CGGBP1: variants seen among roughly 807,000 people sequenced by gnomAD.
CGGBP1 encodes CGG triplet repeat-binding protein 1.
A neutral mutation model predicts 11.4 loss-of-function variants in CGGBP1; 4 were observed. The observed-to-expected ratio is 0.35, with a 90% CI of 0.17 to 0.80. The LOEUF (loss-of-function observed/expected upper bound fraction) is 0.80, where lower values mean the gene tolerates loss of function less well. Among genes scored for constraint, CGGBP1 ranks in the 30% least tolerant of loss-of-function variants. The pLI, the probability that CGGBP1 is intolerant of heterozygous loss-of-function variation, is 0.52. For missense variants in CGGBP1, 135 were observed against 202.1 expected (o/e 0.67, Z 2.01); for synonymous variants, 76 against 74.1 (o/e 1.03, Z -0.13).
At chr3:88,139,014 C>A in intron 2 of CGGBP1, 1 of 1,243,360 alleles carries the variant, frequency 8.0e-7, no homozygotes, top group South Asian at 3.9e-5. Flanking sequence ...GTTTTTTGAC[C>A]CTGAATTTTG....
chr3:88,138,278 T>C (rs1706920424), intron 2 of CGGBP1, among the ~76,000 whole-genome samples: 1 of 152,130 alleles, frequency 6.6e-6, no homozygotes, highest in Non-Finnish European at 1.5e-5. Flanking sequence ...TTTTTAAGCC[T>C]AGTTTATTTC....
chr3:88,138,000 T>A (rs1029937808), intron 2 of CGGBP1, among the ~76,000 whole-genome samples: 3 of 152,108 alleles, frequency 2.0e-5, no homozygotes, highest in Non-Finnish European at 4.4e-5. Flanking sequence ...ATAACTAAGA[T>A]GGGTCGACAA....
chr3:88,104,772 A>T (rs1704632245), intron 2 of CGGBP1, among the ~76,000 whole-genome samples: 1 of 152,248 alleles, frequency 6.6e-6, no homozygotes, highest in East Asian at 1.9e-4. Context: ...AGAAGAGGTC[A>T]AACAGAACAA....
intron 2 of CGGBP1, among the ~76,000 whole-genome samples, chr3:88,070,816 G>C (rs377620673): frequency 2.9e-4 from 44 of 152,272 alleles, no homozygotes; most frequent in African/African-American, 9.9e-4. Context: ...GAATGATGCA[G>C]CTGAGACTCA....
chr3:88,062,722 G>T (rs1706955946), upstream of CGGBP1, among the ~76,000 whole-genome samples: 1 of 152,152 alleles, frequency 6.6e-6, no homozygotes, highest in Non-Finnish European at 1.5e-5. Flanking sequence ...TATGTTGATT[G>T]AAATATAATT....
intron 2 of CGGBP1, among the ~76,000 whole-genome samples, chr3:88,099,561 C>G (rs1169412338): frequency 5.4e-5 from 3 of 55,806 alleles, no homozygotes; most frequent in African/African-American, 1.2e-4. Flanking sequence ...CATCACACTA[C>G]CTACTTCAAA....
intron 2 of CGGBP1, chr3:88,135,042 C>CT (rs200735088): frequency 0.014 from 18,947 of 1,363,410 alleles, 178 homozygotes; most frequent in Non-Finnish European, 0.015. Flanking sequence ...TGATAATTCT[C>CT]TTTTTTTCTC....
chr3:88,101,838 C>T (rs1327400213), intron 2 of CGGBP1, among the ~76,000 whole-genome samples: 1 of 152,256 alleles, frequency 6.6e-6, no homozygotes, highest in Non-Finnish European at 1.5e-5. Context: ...TTATCTTTTT[C>T]ATAATAGCCA....
At chr3:88,100,689 C>T (rs1704362587) in intron 2 of CGGBP1, among the ~76,000 whole-genome samples, 1 of 152,104 alleles carries the variant, frequency 6.6e-6, no homozygotes, top group Non-Finnish European at 1.5e-5. Context: ...AACCATCATT[C>T]TCAGCAAACT....
Position 88,057,256 on chromosome 3 carries a change from G to A in CGGBP1, c.-89C>T, listed in dbSNP as rs570802878. ...CTTTAAATTGCCAACGTATCAGACA[G>A]TCATGGATCCAGAAGATTAAACATT... On this transcript the variant is annotated 5_prime_UTR_variant, in exon 3 of 4. Coordinates refer to ENST00000482016, the MANE Select transcript of CGGBP1 (RefSeq NM_001008390.2). 6.6e-6 allele frequency: 1 copy of A among 152,150 alleles called. No individual in the cohort carries two copies. The highest frequency in any genetic ancestry group is 2.1e-4 in the South Asian group (1 of 4,830). The allele number at this position is 152,150 out of a possible 1,614,324, so 9.4% of individuals were successfully genotyped here.
At chr3:88,091,175 A>T (rs1708611946) in intron 2 of CGGBP1, among the ~76,000 whole-genome samples, 1 of 152,216 alleles carries the variant, frequency 6.6e-6, no homozygotes, top group East Asian at 1.9e-4. Flanking sequence ...TGCATTTCTC[A>T]GAACATATCC....
At position 88,125,289 on chromosome 3, in the gene CGGBP1, A is replaced by G. The variant is rs1239007398; in HGVS notation, c.-229+15681T>C. On this transcript the variant is annotated intron_variant, in intron 2 of 3. Coordinates refer to the CGGBP1 transcript ENST00000462901. ...GTAATGAGCCAAAAAGCATAATCAAACTATACAGATCTTATAAATCTAGAT... is the reference window on the plus strand; with the variant it reads ...GTAATGAGCCAAAAAGCATAATCAAGCTATACAGATCTTATAAATCTAGAT... 2.0e-5 allele frequency among the ~76,000 whole-genome samples: 3 copies of G among 152,092 alleles called. No individual in the cohort carries two copies. In the East Asian group the frequency reaches 5.8e-4, roughly 29 times the overall value.
chr3:88,070,948 A>G (rs1462893511), intron 2 of CGGBP1, among the ~76,000 whole-genome samples: 1 of 152,220 alleles, frequency 6.6e-6, no homozygotes, highest in Non-Finnish European at 1.5e-5. Context: ...CAAATTTAAT[A>G]TAGTGAGTGT....
At chr3:88,072,449 A>C (rs1294526884) in intron 2 of CGGBP1, among the ~76,000 whole-genome samples, 1 of 152,226 alleles carries the variant, frequency 6.6e-6, no homozygotes. Context: ...TAGCTCTGTG[A>C]CTTTTTCTTT....
intron 1 of CGGBP1, among the ~76,000 whole-genome samples, chr3:88,146,775 T>G (rs1707320671): frequency 1.3e-5 from 2 of 152,164 alleles, no homozygotes; most frequent in African/African-American, 4.8e-5. Flanking sequence ...ATTCTTTGAT[T>G]TAATCCTTCC....
At chr3:88,117,928 A>G (rs1278329740) in intron 2 of CGGBP1, among the ~76,000 whole-genome samples, 1 of 127,202 alleles carries the variant, frequency 7.9e-6, no homozygotes, top group Non-Finnish European at 1.7e-5. Flanking sequence ...TACCAGTACT[A>G]TTGCCCAATA....
intron 2 of CGGBP1, among the ~76,000 whole-genome samples, chr3:88,116,632 A>G (rs1210495389): frequency 2.0e-5 from 3 of 151,884 alleles, no homozygotes; most frequent in African/African-American, 7.3e-5. Flanking sequence ...GTGTGTATAT[A>G]TATGTATATA....
upstream of CGGBP1, among the ~76,000 whole-genome samples, chr3:88,062,775 G>A (rs1313174367): frequency 1.3e-5 from 2 of 152,110 alleles, no homozygotes; most frequent in African/African-American, 4.8e-5. Flanking sequence ...GTCATGCCAC[G>A]AGGATGTCAT....
At chr3:88,115,053 C>G (rs1705308708) in intron 2 of CGGBP1, among the ~76,000 whole-genome samples, 1 of 152,176 alleles carries the variant, frequency 6.6e-6, no homozygotes. Flanking sequence ...AGATGGTGTT[C>G]TTTCTCGTCT....
Sources: gnomAD v4.1 joint callset for allele counts (sites outside exome capture counted in the v4.1 genomes callset) on GRCh38, gnomAD v4.1.1 for gene constraint, MANE v1.5 for transcripts, NCBI Gene and HGNC (gene_info 2026-07-23, HGNC 2026-07-21) for gene names.